MRTFA: variants seen among roughly 807,000 people sequenced by gnomAD.
MRTFA encodes the protein myocardin related transcription factor A.
MRTFA carries 20 observed loss-of-function variants against 83.5 expected under a neutral mutation model. The observed-to-expected ratio is 0.24, with a 90% CI of 0.17 to 0.35. The LOEUF (loss-of-function observed/expected upper bound fraction) is 0.35, where lower values mean the gene tolerates loss of function less well. MRTFA is among the 10% of genes least tolerant of loss of function. The pLI is 1.00. For missense variants in MRTFA, 1,200 were observed against 1,224.7 expected, an observed-to-expected ratio of 0.98 and a Z score of 0.30; for synonymous variants, 659 against 541.2, an observed-to-expected ratio of 1.22 and a Z score of -3.02.
chr22:40,526,566 G>A (rs935227481), intron 3 of MRTFA: 4 of 152,194 alleles, frequency 2.6e-5, no homozygotes, highest in East Asian at 1.9e-4. Flanking sequence ...CTTTGTAGAC[G>A]AGTATAAGGA....
intron 11 of MRTFA, among the ~76,000 whole-genome samples, chr22:40,419,926 T>C (rs2052792221): frequency 6.6e-6 from 1 of 152,184 alleles, no homozygotes; most frequent in Non-Finnish European, 1.5e-5. Flanking sequence ...ACACTGCACC[T>C]GAACGGCAGA....
intron 2 of MRTFA, among the ~76,000 whole-genome samples, chr22:40,555,180 G>A (rs188905444): frequency 2.4e-4 from 36 of 152,268 alleles, no homozygotes; most frequent in Admixed American, 2.3e-3. Context: ...AAGACTTTGG[G>A]GGACTACTGA....
At chr22:40,606,742 C>T (rs573123608) in intron 1 of MRTFA, among the ~76,000 whole-genome samples, 5 of 152,262 alleles carry the variant, frequency 3.3e-5, no homozygotes, top group African/African-American at 1.2e-4. Flanking sequence ...TTGGAGACAT[C>T]AGACCACCAG....
At chr22:40,489,899 A>C (rs1008437120) in intron 3 of MRTFA, among the ~76,000 whole-genome samples, 33 of 150,626 alleles carry the variant, frequency 2.2e-4, no homozygotes, top group African/African-American at 7.3e-4. Flanking sequence ...GAATCGCTTG[A>C]AGGCAGAGGT....
chr22:40,591,582 G>A (rs1602471419), intron 2 of MRTFA, among the ~76,000 whole-genome samples: 1 of 152,234 alleles, frequency 6.6e-6, no homozygotes, highest in East Asian at 1.9e-4. Context: ...GGATCTTTCT[G>A]GGGTATTGGA....
chr22:40,455,835 TGTA>T (rs2053577072), intron 4 of MRTFA, among the ~76,000 whole-genome samples: 1 of 151,484 alleles, frequency 6.6e-6, no homozygotes, highest in African/African-American at 2.4e-5. Flanking sequence ...TATGTATGTA[TGTA>T]TGTATGTATT....
At chr22:40,587,150 G>T (rs964925007) in intron 2 of MRTFA, 7 of 460,486 alleles carry the variant, frequency 1.5e-5, no homozygotes, top group Non-Finnish European at 3.1e-5. Context: ...ATTCTGCTAA[G>T]GTCTGTATTG....
chr22:40,514,390 T>G (rs758517634), intron 3 of MRTFA, among the ~76,000 whole-genome samples: 43 of 152,006 alleles, frequency 2.8e-4, no homozygotes, highest in Non-Finnish European at 6.0e-4. Context: ...TATAATTTCC[T>G]AAGAATTGAG....
intron 2 of MRTFA, among the ~76,000 whole-genome samples, chr22:40,564,653 T>TTTA (rs1300375196): frequency 1.3e-5 from 2 of 152,042 alleles, no homozygotes. Flanking sequence ...TATTATTATT[T>TTTA]TTATTATTAT....
chr22:40,615,787 T>C (rs2056442181), intron 1 of MRTFA, among the ~76,000 whole-genome samples: 1 of 151,694 alleles, frequency 6.6e-6, no homozygotes, highest in African/African-American at 2.4e-5. Flanking sequence ...TCAGTTCAAG[T>C]GATTCTCCTG....
chr22:40,615,047 GA>G (rs796125975), intron 1 of MRTFA, among the ~76,000 whole-genome samples: 56 of 146,282 alleles, frequency 3.8e-4, no homozygotes, highest in South Asian at 1.1e-3. Flanking sequence ...ACACGTGCTA[GA>G]AAAAAAAAAA....
chr22:40,550,048 C>CAAA (rs3044559), intron 3 of MRTFA, among the ~76,000 whole-genome samples: 17 of 130,306 alleles, frequency 1.3e-4, no homozygotes, highest in African/African-American at 3.1e-4. Context: ...GACTCTGTTG[C>CAAA]AAAAAAAAAA....
chr22:40,563,711 GTCTGGGT>G (rs959064479), intron 2 of MRTFA, among the ~76,000 whole-genome samples: 1 of 152,160 alleles, frequency 6.6e-6, no homozygotes, highest in Non-Finnish European at 1.5e-5. Context: ...GCCAGGTGCT[GTCTGGGT>G]ATTGAGGATT....
chr22:40,530,797 T>G (rs754339165), intron 3 of MRTFA, among the ~76,000 whole-genome samples: 30 of 152,352 alleles, frequency 2.0e-4, no homozygotes, highest in Non-Finnish European at 2.6e-4. Flanking sequence ...CAACATCTGC[T>G]TTGGACAAGG....
At chr22:40,456,315 A>T (rs1029526177) in intron 4 of MRTFA, among the ~76,000 whole-genome samples, 1 of 143,140 alleles carries the variant, frequency 7.0e-6, no homozygotes, top group Non-Finnish European at 1.5e-5. Context: ...AAACTTCTGT[A>T]AAAAAAAAAA....
chr22:40,504,368 C>A (rs563481078), intron 3 of MRTFA, among the ~76,000 whole-genome samples: 1 of 152,210 alleles, frequency 6.6e-6, no homozygotes, highest in East Asian at 1.9e-4. Context: ...AAGACCTGGT[C>A]TCTAAAAAAA....
At chr22:40,448,316 A>G (rs1476732215) in intron 4 of MRTFA, among the ~76,000 whole-genome samples, 1 of 152,144 alleles carries the variant, frequency 6.6e-6, no homozygotes, top group African/African-American at 2.4e-5. Flanking sequence ...TCTCAAAAAA[A>G]TAAATAAATT....
At chr22:40,568,813 G>A (rs1162714297) in intron 2 of MRTFA, among the ~76,000 whole-genome samples, 1 of 152,198 alleles carries the variant, frequency 6.6e-6, no homozygotes, top group African/African-American at 2.4e-5. Flanking sequence ...AGTCAGTGCT[G>A]TACATTTTGA....
At chr22:40,609,432 G>A (rs1225770689) in intron 1 of MRTFA, among the ~76,000 whole-genome samples, 1 of 135,456 alleles carries the variant, frequency 7.4e-6, no homozygotes, top group Non-Finnish European at 1.5e-5. Flanking sequence ...GGTGAGCTAA[G>A]ACTGCATCAC....
Sources: gnomAD v4.1 joint callset for allele counts (sites outside exome capture counted in the v4.1 genomes callset) on GRCh38, gnomAD v4.1.1 for gene constraint, MANE v1.5 for transcripts, NCBI Gene and HGNC (gene_info 2026-07-23, HGNC 2026-07-21) for gene names.